UBXN2B: variants seen among roughly 807,000 people sequenced by gnomAD.
UBXN2B encodes UBX domain-containing protein 2B.
A neutral mutation model predicts 37.5 loss-of-function variants in UBXN2B; 19 were observed. That is an observed-to-expected ratio of 0.51 (90% CI 0.35 to 0.74). UBXN2B has a LOEUF of 0.74. Ranked by LOEUF, UBXN2B falls within the 30% of genes least tolerant of loss-of-function variation. UBXN2B has a pLI of 0.01. For synonymous variants in UBXN2B, 145 were observed against 143.8 expected, an observed-to-expected ratio of 1.01 and a Z score of -0.06; for missense variants, 370 against 393.2, an observed-to-expected ratio of 0.94 and a Z score of 0.50.
At chr8:58,424,800 T>C (rs1808034833) in intron 2 of UBXN2B, 2 of 1,445,874 alleles carry the variant, frequency 1.4e-6, no homozygotes, top group Admixed American at 1.7e-5. Context: ...TGCGCTGTAG[T>C]GTTTCAGTAT....
At chr8:58,431,794 A>G (rs1245382910) in intron 3 of UBXN2B, among the ~76,000 whole-genome samples, 4 of 152,080 alleles carry the variant, frequency 2.6e-5, no homozygotes, top group African/African-American at 9.7e-5. Flanking sequence ...GTTTTATTTT[A>G]TTTGTCTAAT....
At chr8:58,432,481 C>T (rs1347160254) in intron 3 of UBXN2B, among the ~76,000 whole-genome samples, 1 of 142,100 alleles carries the variant, frequency 7.0e-6, no homozygotes, top group Non-Finnish European at 1.5e-5. Context: ...CTCCCGGGTT[C>T]ACACCATTCT....
intron 5 of UBXN2B, among the ~76,000 whole-genome samples, chr8:58,437,958 C>T (rs527819072): frequency 2.6e-5 from 4 of 151,638 alleles, no homozygotes; most frequent in East Asian, 2.0e-4. Flanking sequence ...CAGCCCCCCC[C>T]CCAACCCCCA....
At chr8:58,424,806 A>G (rs1585601727) in intron 2 of UBXN2B, 3 of 1,448,102 alleles carry the variant, frequency 2.1e-6, no homozygotes, top group East Asian at 2.3e-5. Context: ...GTAGTGTTTC[A>G]GTATAATGCT....
In UBXN2B at chr8:58,430,604, G is replaced by A. The variant is rs1418065631; in HGVS notation, c.274G>A (p.Ala92Thr). The A allele has an allele frequency of 1.2e-6, 2 of 1,604,766 alleles. No homozygotes were observed. Among genetic ancestry groups the A allele is most frequent in the Admixed American group, 1.7e-5 (1 of 59,058 alleles). The stretch of plus-strand genomic sequence containing the variant: ...AATTGTGAATGAACTTTTCAAAGAG[G>A]CAAGGGAACATGGGGCTGTCCCTCT... ...GKIVNELFKE[A>T]REHGAVPLNE... Residue 92 changes from alanine to threonine, a missense_variant, in exon 3 of 8, where the codon GCA becomes ACA. Ala to Thr is a moderately conservative substitution (Grantham distance 58, BLOSUM62 0). Around this residue, in one of 3 missense-constraint regions of UBXN2B, gnomAD observed 197 missense variants for 170.2 expected, o/e 1.16. Coordinates refer to ENST00000399598, the MANE Select transcript of UBXN2B (RefSeq NM_001077619.2).
rs928023564 is a variant in UBXN2B, at chr8:58,449,447, A to G, written c.*1896A>G. ...TCTTATCTGAGTCTCACCAACTCAA[A>G]AGTCTCAAATCTCACATTGAAGCCA... is the stretch of plus-strand genomic sequence containing the variant. On this transcript the variant is annotated 3_prime_UTR_variant, in exon 8 of 8. Coordinates refer to ENST00000399598, the MANE Select transcript of UBXN2B (RefSeq NM_001077619.2). 22 of 152,200 alleles carry G rather than the reference A, an allele frequency of 1.4e-4. No individual in the cohort carries two copies. Among genetic ancestry groups the G allele is most frequent in the African/African-American group, 5.1e-4 (21 of 41,440 alleles). The allele number at this position is 152,200 out of a possible 1,614,324, so 9.4% of individuals were successfully genotyped here. A position where few individuals can be genotyped will look rare whatever the true frequency, so the allele number is the denominator to read the frequency against.
intron 2 of UBXN2B, among the ~76,000 whole-genome samples, chr8:58,423,924 G>C (rs961838387): frequency 2.6e-5 from 4 of 151,292 alleles, no homozygotes; most frequent in African/African-American, 9.7e-5. Flanking sequence ...ACTGTAATTG[G>C]TCATCGGCTG....
chr8:58,440,938 G>A (rs1243801737), intron 6 of UBXN2B, among the ~76,000 whole-genome samples: 4 of 151,292 alleles, frequency 2.6e-5, no homozygotes, highest in Non-Finnish European at 5.9e-5. Context: ...TAGGTCACAG[G>A]TTTACTTGGA....
intron 3 of UBXN2B, 28 bp from the exon 4 acceptor site, chr8:58,433,132 A>G (rs775113749): frequency 6.5e-7 from 1 of 1,535,510 alleles, no homozygotes; most frequent in Non-Finnish European, 9.0e-7. Flanking sequence ...TCCTTTGTGA[A>G]TTTTAACTCA....
intron 5 of UBXN2B, among the ~76,000 whole-genome samples, chr8:58,435,680 CTAAT>C (rs1304192452): frequency 1.3e-5 from 2 of 152,140 alleles, no homozygotes; most frequent in African/African-American, 4.8e-5. Context: ...TAGATAAAAA[CTAAT>C]TTATTGTTAA....
rs1302200158 is a variant in UBXN2B, at chr8:58,448,259, C to T, written c.*708C>T. On this transcript the variant is annotated 3_prime_UTR_variant, in exon 8 of 8. Coordinates refer to ENST00000399598, the MANE Select transcript of UBXN2B (RefSeq NM_001077619.2). Reference sequence around the variant, plus strand: ...CATAATTTCTGCTCACCGCAACCTCCGCCTCCCAGGTTCAAAAGATTCTCC... The same window carrying T: ...CATAATTTCTGCTCACCGCAACCTCTGCCTCCCAGGTTCAAAAGATTCTCC... The T allele has an allele frequency of 2.6e-5, 4 of 151,816 alleles. No individual in the cohort carries two copies. Among genetic ancestry groups the T allele is most frequent in the Admixed American group, 1.3e-4 (2 of 15,250 alleles). The allele number at this position is 151,816 out of a possible 1,614,324, so 9.4% of individuals were successfully genotyped here. A position where few individuals can be genotyped will look rare whatever the true frequency, so the allele number is the denominator to read the frequency against.
intron 3 of UBXN2B, among the ~76,000 whole-genome samples, chr8:58,431,166 A>G (rs1360354481): frequency 6.6e-6 from 1 of 152,108 alleles, no homozygotes; most frequent in Non-Finnish European, 1.5e-5. Context: ...TCGGGTTTTC[A>G]TCTCTATAAT....
chr8:58,443,797 C>T (rs190999610), intron 6 of UBXN2B, among the ~76,000 whole-genome samples: 1 of 152,130 alleles, frequency 6.6e-6, no homozygotes, highest in Non-Finnish European at 1.5e-5. Flanking sequence ...AACAGAGCAA[C>T]ACTGCATCCC....
rs71248196 is a variant in UBXN2B at position 58,448,173 on chromosome 8, C to CTTTTTTTTTTTTTT, written c.*626_*639dup. On this transcript the variant is annotated 3_prime_UTR_variant, in exon 8 of 8. Coordinates refer to ENST00000399598, the MANE Select transcript of UBXN2B (RefSeq NM_001077619.2). Reference sequence around the variant, plus strand: ...CAGAAACACATAAAGGTCAGCAATTCTTTTTTTTTTTTTTTTTGATATGGA... The same window carrying CTTTTTTTTTTTTTT: ...CAGAAACACATAAAGGTCAGCAATTCTTTTTTTTTTTTTTTTTTTTTTTTTTTTTTTGATATGGA... 1 of 133,644 alleles carries CTTTTTTTTTTTTTT rather than the reference C, an allele frequency of 7.5e-6. No homozygotes were observed. Among genetic ancestry groups the CTTTTTTTTTTTTTT allele is most frequent in the Non-Finnish European group, 1.6e-5 (1 of 62,012 alleles). The allele number at this position is 133,644 out of a possible 1,614,324, so 8.3% of individuals were successfully genotyped here. A position where few individuals can be genotyped will look rare whatever the true frequency, so the allele number is the denominator to read the frequency against.
rs370605877 is a variant in UBXN2B at position 58,430,528 on chromosome 8, A to G, written c.198A>G (p.Ser66=). Residue 66 remains serine, a synonymous_variant, in exon 3 of 8, where the codon TCA becomes TCG. Coordinates refer to ENST00000399598, the MANE Select transcript of UBXN2B (RefSeq NM_001077619.2). ...ACTAAAATGTTTAAAGGTTTTACTC[A>G]AGTGAACATGAATACAGTGGATTAA... ...SPRTPPQRFY[S]SEHEYSGLNI... 1.0e-5 allele frequency: 16 copies of G among 1,567,772 alleles called. No homozygotes were observed. Among genetic ancestry groups the G allele is most frequent in the Non-Finnish European group, 1.4e-5 (16 of 1,156,776 alleles).
chr8:58,432,375 CTTTTTTTTTT>C (rs34018318), intron 3 of UBXN2B, among the ~76,000 whole-genome samples: 12 of 81,522 alleles, frequency 1.5e-4, no homozygotes, highest in Admixed American at 5.9e-4. Context: ...TTCTAAATTT[CTTTTTTTTTT>C]TTTTTTTTTT....
At chr8:58,412,088 G>A (rs1585588800) in intron 1 of UBXN2B, among the ~76,000 whole-genome samples, 1 of 152,152 alleles carries the variant, frequency 6.6e-6, no homozygotes, top group Non-Finnish European at 1.5e-5. Context: ...AAATAGTAGC[G>A]CACCAAATCC....
chr8:58,427,804 G>A (rs573859153), intron 2 of UBXN2B, among the ~76,000 whole-genome samples: 11 of 152,312 alleles, frequency 7.2e-5, no homozygotes, highest in African/African-American at 2.6e-4. Flanking sequence ...ATAGGAAGAG[G>A]TTATCTTTGG....
At chr8:58,438,810 G>A (rs1187144099) in intron 5 of UBXN2B, among the ~76,000 whole-genome samples, 2 of 152,062 alleles carry the variant, frequency 1.3e-5, no homozygotes, top group Admixed American at 6.6e-5. Flanking sequence ...TGAGATTTGG[G>A]GGGCCAGTGG....
Sources: allele counts gnomAD v4.1 joint callset (sites outside exome capture counted in the v4.1 genomes callset), GRCh38; gene constraint gnomAD v4.1.1; regional missense constraint gnomAD v4.1.1; transcripts MANE v1.5; gene names NCBI Gene and HGNC (gene_info 2026-07-23, HGNC 2026-07-21).